Variants in RFX1 observed in about 807,000 individuals in gnomAD.
RFX1 encodes MHC class II regulatory factor RFX1.
RFX1 carries 42 observed loss-of-function variants against 119.6 expected under a neutral mutation model. That is an observed-to-expected ratio of 0.35 (90% CI 0.27 to 0.45). RFX1 has a LOEUF of 0.45. Ranked by LOEUF, RFX1 falls within the 20% of genes least tolerant of loss-of-function variation. The pLI, the probability that RFX1 is intolerant of heterozygous loss-of-function variation, is 1.00. For missense variants in RFX1, 1,118 were observed against 1,368.1 expected (o/e 0.82, Z 2.88); for synonymous variants, 628 against 618.5 (o/e 1.02, Z -0.23).
In RFX1 at chr19:13,962,741, C is replaced by A; in HGVS notation, c.2894G>T (p.Arg965Leu). ...ETLEPPAKLA[R>L]TDARGLFVQA... ...CACGAAGAGGCCGCGCGCGTCAGTC[C>A]GCGCCAGCTTGGCCGGCGGCTCCAG... is the stretch of plus-strand genomic sequence containing the variant. Residue 965 changes from arginine (R) to leucine (L), a missense_variant, in exon 21 of 21, where the codon CGG (arginine) becomes CTG (leucine). This residue lies in a region of RFX1 where 138 missense variants were observed against 117.8 expected (regional missense o/e 1.17). Coordinates refer to ENST00000254325, the MANE Select transcript of RFX1 (RefSeq NM_002918.5). 6.5e-7 allele frequency: 1 copy of A among 1,530,562 alleles called. No homozygotes were observed. The highest frequency in any genetic ancestry group is 8.7e-7 in the Non-Finnish European group (1 of 1,143,720). 94.8% of individuals were successfully genotyped at this position (1,530,562 alleles called of 1,614,324 possible). A position where few individuals can be genotyped will look rare whatever the true frequency, so the allele number is the denominator to read the frequency against.
chr19:13,978,163 C>G (rs1445591396), intron 7 of RFX1, 77 bp from the exon 8 acceptor site: 1 of 1,090,080 alleles, frequency 9.2e-7, no homozygotes, highest in Non-Finnish European at 1.4e-6. Context: ...GGCTGGTGCC[C>G]ACCCAGGCTA....
At chr19:13,995,510 G>C (rs1974978262) in intron 1 of RFX1, among the ~76,000 whole-genome samples, 1 of 152,198 alleles carries the variant, frequency 6.6e-6, no homozygotes, top group Admixed American at 6.5e-5. Flanking sequence ...GCTGGGAGCA[G>C]GCCCAGGCTG....
In RFX1 at chr19:13,963,043, G is replaced by A. The variant is rs965622033; in HGVS notation, c.2725-4C>T. On this transcript the variant is annotated splice_region_variant and splice_polypyrimidine_tract_variant and intron_variant, in intron 19 of 20. Coordinates refer to ENST00000254325, the MANE Select transcript of RFX1 (RefSeq NM_002918.5). ...GGGAGGTGGCCAGATTGGCGAACTGGAGGAAGAAGAGAAGAAAATGGGTGA... is the reference window on the plus strand; with the variant it reads ...GGGAGGTGGCCAGATTGGCGAACTGAAGGAAGAAGAGAAGAAAATGGGTGA... The A allele has an allele frequency of 1.9e-6, 3 of 1,569,792 alleles. No individual in the cohort carries two copies. Among genetic ancestry groups the A allele is most frequent in the African/African-American group, 2.7e-5 (2 of 73,934 alleles).
chr19:13,966,596 G>A lies in RFX1; in HGVS notation c.1851+37C>T, dbSNP rs10412445. On this transcript the variant is annotated intron_variant, in intron 13 of 20. Coordinates refer to ENST00000254325, the MANE Select transcript of RFX1 (RefSeq NM_002918.5). This position sits in a 1 kb window ranked among gnomAD's most constrained non-coding sequence, Gnocchi z 6.3. Reference sequence around the variant, plus strand: ...ATGGCCCTCCCATGCCCGTGGCTGCGTCCCCGTCCACTTGCCTGCCCACCT... The same window carrying A: ...ATGGCCCTCCCATGCCCGTGGCTGCATCCCCGTCCACTTGCCTGCCCACCT... 3.0e-5 allele frequency: 46 copies of A among 1,545,318 alleles called. No homozygotes were observed. The highest frequency in any genetic ancestry group is 2.6e-4 in the African/African-American group (19 of 73,300).
At position 13,965,258 on chromosome 19, in the gene RFX1, T is replaced by C. The variant is rs1973855276; in HGVS notation, c.2211+191A>G. Among the ~76,000 whole-genome samples the C allele has an allele frequency of 1.3e-5, 2 of 152,118 alleles. No individual in the cohort carries two copies. The highest frequency in any genetic ancestry group is 4.1e-4 in the South Asian group (2 of 4,832). ...CACAAAGGGGGTTGCATTTCAGAAGTGGGTGCCTGAGGACACTGGTTTATA... is the reference window on the plus strand; with the variant it reads ...CACAAAGGGGGTTGCATTTCAGAAGCGGGTGCCTGAGGACACTGGTTTATA... On this transcript the variant is annotated intron_variant, in intron 16 of 20. Transcript: ENST00000254325. The surrounding 1 kb of genome is among the most constrained non-coding windows in gnomAD (Gnocchi z 4.7).
chr19:13,993,394 GC>G, intron 2 of RFX1, 130 bp downstream of exon 2: 1 of 813,018 alleles, frequency 1.2e-6, no homozygotes, highest in Non-Finnish European at 1.9e-6. Flanking sequence ...AAGCACCCCT[GC>G]CCTAGTGATA....
At position 13,977,747 on chromosome 19, in the gene RFX1, C is replaced by T. The variant is rs911935426; in HGVS notation, c.929+245G>A. ...TTTTTTTTTTTGGTTAAAAACCAGG[C>T]TCATTTGACTCCCAAGCCCTAAGCT... On this transcript the variant is annotated intron_variant, in intron 8 of 20. Transcript: ENST00000254325. Among the ~76,000 whole-genome samples the T allele has an allele frequency of 6.0e-5, 9 of 149,662 alleles. No individual in the cohort carries two copies. The South Asian group carries it at 1.5e-3, about 25-fold the overall frequency.
At chr19:13,971,722 A>T (rs10425750) in intron 9 of RFX1, among the ~76,000 whole-genome samples, 3,137 of 152,112 alleles carry the variant, frequency 0.021, 106 homozygotes, top group African/African-American at 0.066. Flanking sequence ...AAAATTTTTT[A>T]AAATCCGCCA....
chr19:13,977,350 T>C (rs1421070208), intron 8 of RFX1, among the ~76,000 whole-genome samples: 1 of 151,404 alleles, frequency 6.6e-6, no homozygotes, highest in African/African-American at 2.4e-5. Flanking sequence ...TTTCTGTTCT[T>C]AGAGTATCTC....
chr19:13,991,877 G>A (rs1448174768), intron 2 of RFX1, among the ~76,000 whole-genome samples: 1 of 152,052 alleles, frequency 6.6e-6, no homozygotes, highest in African/African-American at 2.4e-5. Flanking sequence ...GGCCAGGCTG[G>A]TCTCGAACTC....
chr19:13,962,421 G>T lies in RFX1; in HGVS notation c.*274C>A, dbSNP rs1973717736. The T allele has an allele frequency of 6.2e-6, 3 of 481,860 alleles. No individual in the cohort carries two copies. Among genetic ancestry groups the T allele is most frequent in the African/African-American group, 2.1e-5 (1 of 47,940 alleles). 29.8% of individuals were successfully genotyped at this position (481,860 alleles called of 1,614,324 possible). On this transcript the variant is annotated 3_prime_UTR_variant, in exon 21 of 21. Coordinates refer to ENST00000254325, the MANE Select transcript of RFX1 (RefSeq NM_002918.5). The stretch of plus-strand genomic sequence containing the variant: ...AGACGCTGGGGCCTGGGAGGGGGGC[G>T]GCCAAGGGGCCGAGCTGGATGCCCC...
intron 16 of RFX1, 120 bp from the exon 17 acceptor site, chr19:13,964,127 C>T (rs1973817640): frequency 6.3e-6 from 7 of 1,111,144 alleles, no homozygotes; most frequent in Middle Eastern, 3.0e-4. Context: ...GAGGGATGTG[C>T]CTCGCTACTT....
chr19:13,997,487 C>A (rs946817926), intron 1 of RFX1, among the ~76,000 whole-genome samples: 7 of 152,194 alleles, frequency 4.6e-5, no homozygotes, highest in Non-Finnish European at 1.0e-4. Flanking sequence ...GCTGTAAGCA[C>A]GCAGGAAATG....
At position 14,004,772 on chromosome 19, in the gene RFX1, A is replaced by G. The variant is rs534538001; in HGVS notation, c.-53+1331T>C. Among the ~76,000 whole-genome samples the G allele has an allele frequency of 2.4e-4, 36 of 152,256 alleles. 1 individual carries two copies. The highest frequency in any genetic ancestry group is 7.0e-4 in the African/African-American group (29 of 41,556). On this transcript the variant is annotated intron_variant, in intron 1 of 20. Coordinates refer to ENST00000254325, the MANE Select transcript of RFX1 (RefSeq NM_002918.5). The stretch of plus-strand genomic sequence containing the variant: ...TTAAAAGGAAATGGCTGCAGTTTGC[A>G]CACCGACACTAAGCTCAAAAGCAAG...
chr19:13,980,418 A>G lies in RFX1; in HGVS notation c.738+155T>C, dbSNP rs1974390320. Reference sequence around the variant, plus strand: ...TAGCCCCAGGATGCTGAGTCTGGAGACAGGCAGAGATGCTTATCAAAGGCC... The same window carrying G: ...TAGCCCCAGGATGCTGAGTCTGGAGGCAGGCAGAGATGCTTATCAAAGGCC... On this transcript the variant is annotated intron_variant, in intron 6 of 20. Coordinates refer to ENST00000254325, the MANE Select transcript of RFX1 (RefSeq NM_002918.5). The surrounding 1 kb of genome is among the most constrained non-coding windows in gnomAD (Gnocchi z 5.1). 6.6e-6 allele frequency among the ~76,000 whole-genome samples: 1 copy of G among 152,154 alleles called. No individual in the cohort carries two copies. The highest frequency in any genetic ancestry group is 1.5e-5 in the Non-Finnish European group (1 of 68,026).
chr19:13,993,934 A>T (rs2034389115), intron 1 of RFX1, 39 bp from the exon 2 acceptor site: 1 of 1,098,142 alleles, frequency 9.1e-7, no homozygotes, highest in Non-Finnish European at 1.3e-6. Flanking sequence ...AGAAAAACAA[A>T]ACAAAACAAA....
rs763045405 is a variant in RFX1, at chr19:13,965,705, T to C, written c.2034A>G (p.Gln678=). The stretch of plus-strand genomic sequence containing the variant: ...GCACGTTGTCACAGTGCTTGGTCCA[T>C]TGGAGCACGGGCTCGAACTTGGAGA... ...VLLSKFEPVL[Q]WTKHCDNVLY... Residue 678 remains glutamine (Q), a synonymous_variant, in exon 15 of 21, where the codon CAA becomes CAG. Coordinates refer to ENST00000254325, the MANE Select transcript of RFX1 (RefSeq NM_002918.5). The surrounding 1 kb of genome is among the most constrained non-coding windows in gnomAD (Gnocchi z 4.7). The C allele has an allele frequency of 4.3e-6, 7 of 1,613,806 alleles. No individual in the cohort carries two copies. In the Admixed American group the frequency reaches 6.7e-5, roughly 15 times the overall value.
At position 13,961,839 on chromosome 19, in the gene RFX1, A is replaced by G. The variant is rs766514339; in HGVS notation, c.*856T>C. Reference sequence around the variant, plus strand: ...GCCATGATGGTTGGAAAAAAACCCAACAAGTTACCAACTCCGCTCGGGCGG... The same window carrying G: ...GCCATGATGGTTGGAAAAAAACCCAGCAAGTTACCAACTCCGCTCGGGCGG... On this transcript the variant is annotated 3_prime_UTR_variant, in exon 21 of 21. Coordinates refer to ENST00000254325, the MANE Select transcript of RFX1 (RefSeq NM_002918.5). 5.9e-5 allele frequency: 9 copies of G among 152,396 alleles called. No homozygotes were observed. The highest frequency in any genetic ancestry group is 8.8e-5 in the Non-Finnish European group (6 of 68,070). 9.4% of individuals were successfully genotyped at this position (152,396 alleles called of 1,614,324 possible).
At chr19:13,979,787 G>A (rs1019894683) in intron 6 of RFX1, among the ~76,000 whole-genome samples, 4 of 152,100 alleles carry the variant, frequency 2.6e-5, no homozygotes, top group African/African-American at 4.8e-5. Flanking sequence ...CTCTCCCTAC[G>A]GGCCCCTGAA....
Sources: allele counts gnomAD v4.1 joint callset (sites outside exome capture counted in the v4.1 genomes callset), GRCh38; gene constraint gnomAD v4.1.1; regional missense constraint gnomAD v4.1.1; non-coding constraint Gnocchi (gnomAD v3.1); transcripts MANE v1.5; gene names NCBI Gene and HGNC (gene_info 2026-07-23, HGNC 2026-07-21).